Variants in CNTN5 observed in about 807,000 individuals in gnomAD.
CNTN5 encodes the protein contactin-5.
Under a neutral mutation model 129.1 loss-of-function variants are expected in CNTN5, and 77 were observed. The ratio of observed to expected loss-of-function variants is 0.60; its 90% CI spans 0.50 to 0.72. The LOEUF (loss-of-function observed/expected upper bound fraction) is 0.72. Ranked by LOEUF, CNTN5 falls within the 30% of genes least tolerant of loss-of-function variation. CNTN5 has a pLI of 0.00. For missense variants in CNTN5, 1,478 were observed against 1,328.8 expected (o/e 1.11, Z -1.75); for synonymous variants, 509 against 465.6 (o/e 1.09, Z -1.20).
intron 3 of CNTN5, among the ~76,000 whole-genome samples, chr11:99,748,494 A>G (rs945789212): frequency 5.3e-5 from 8 of 152,282 alleles, no homozygotes; most frequent in African/African-American, 1.9e-4. Context: ...TCTGGAGTCC[A>G]GAAAGTTCTA....
intron 4 of CNTN5, among the ~76,000 whole-genome samples, chr11:99,825,500 A>C (rs1437516661): frequency 1.3e-5 from 2 of 152,034 alleles, no homozygotes; most frequent in Non-Finnish European, 2.9e-5. Flanking sequence ...TTTCTGTAAC[A>C]TCACTATCTA....
chr11:100,002,919 C>G (rs1939961857), intron 9 of CNTN5, among the ~76,000 whole-genome samples: 1 of 151,834 alleles, frequency 6.6e-6, no homozygotes, highest in Admixed American at 6.6e-5. Flanking sequence ...GTATCTCTGT[C>G]AGAGTTACTA....
chr11:100,319,874 G>A (rs1951651317), intron 21 of CNTN5, among the ~76,000 whole-genome samples: 1 of 152,126 alleles, frequency 6.6e-6, no homozygotes, highest in Admixed American at 6.5e-5. Flanking sequence ...TGTTGCAAAT[G>A]GCAGGATTTC....
chr11:100,230,350 CTAAT>C (rs1267521747), intron 16 of CNTN5, among the ~76,000 whole-genome samples: 2 of 152,148 alleles, frequency 1.3e-5, no homozygotes, highest in Non-Finnish European at 2.9e-5. Flanking sequence ...TAGACTTTCT[CTAAT>C]TAGTGTGATT....
intron 8 of CNTN5, among the ~76,000 whole-genome samples, chr11:99,987,294 CAG>C (rs142040884): frequency 1.9e-3 from 296 of 151,824 alleles, no homozygotes; most frequent in African/African-American, 6.6e-3. Context: ...AAAGTGAAAA[CAG>C]ATATGGAACA....
At chr11:99,130,248 A>C (rs998308729) in intron 1 of CNTN5, among the ~76,000 whole-genome samples, 1 of 152,226 alleles carries the variant, frequency 6.6e-6, no homozygotes, top group Non-Finnish European at 1.5e-5. Context: ...ATATAGGCTC[A>C]AAATAAAAAG....
chr11:99,534,610 A>G (rs1464458002), intron 2 of CNTN5, among the ~76,000 whole-genome samples: 1 of 152,186 alleles, frequency 6.6e-6, no homozygotes, highest in Non-Finnish European at 1.5e-5. Flanking sequence ...TGGTGTATTT[A>G]GAGAATGGGG....
intron 3 of CNTN5, among the ~76,000 whole-genome samples, chr11:99,819,191 G>C: frequency 6.7e-6 from 1 of 149,292 alleles, no homozygotes; most frequent in Non-Finnish European, 1.5e-5. Flanking sequence ...AAAGTATAAA[G>C]CTTGGGCTTT....
intron 3 of CNTN5, among the ~76,000 whole-genome samples, chr11:99,580,448 T>A (rs1430564075): frequency 6.6e-6 from 1 of 152,186 alleles, no homozygotes; most frequent in Non-Finnish European, 1.5e-5. Context: ...TGACTGTGAA[T>A]CCATCTGGTC....
At chr11:100,189,931 A>G (rs756616003) in intron 13 of CNTN5, among the ~76,000 whole-genome samples, 1 of 152,134 alleles carries the variant, frequency 6.6e-6, no homozygotes, top group East Asian at 1.9e-4. Flanking sequence ...TTTCAAACTG[A>G]TATCTTTATT....
intron 1 of CNTN5, among the ~76,000 whole-genome samples, chr11:99,233,719 G>A (rs888967809): frequency 2.0e-5 from 3 of 152,106 alleles, no homozygotes; most frequent in Admixed American, 6.6e-5. Flanking sequence ...AGGCCGAGGT[G>A]GGTGGATCAC....
At chr11:100,133,189 C>T (rs1946427468) in intron 13 of CNTN5, among the ~76,000 whole-genome samples, 1 of 152,066 alleles carries the variant, frequency 6.6e-6, no homozygotes, top group South Asian at 2.1e-4. Flanking sequence ...TGATGAATAG[C>T]AACTTACATA....
intron 4 of CNTN5, among the ~76,000 whole-genome samples, chr11:99,841,409 A>G (rs574334238): frequency 2.1e-4 from 32 of 152,256 alleles, no homozygotes; most frequent in Middle Eastern, 6.8e-3. Flanking sequence ...CTTAAAATCA[A>G]CTGTCTTCTT....
rs1950186879 is a variant in CNTN5, at chr11:99,931,298, T to C, written c.673+15149T>C. Among the ~76,000 whole-genome samples, 2 of 152,222 alleles carry C rather than the reference T, an allele frequency of 1.3e-5. 1 individual carries two copies. The highest frequency in any genetic ancestry group is 2.9e-5 in the Non-Finnish European group (2 of 68,030). ...TCAATGTGTTTCAGAGTCTTTAGTT[T>C]TTTAAACTATCTGACAAAACTTACA... On this transcript the variant is annotated intron_variant, in intron 7 of 24. Transcript: ENST00000524871.
intron 1 of CNTN5, among the ~76,000 whole-genome samples, chr11:99,160,618 T>C (rs75868496): frequency 0.015 from 2,311 of 152,166 alleles, 47 homozygotes; most frequent in African/African-American, 0.052. Flanking sequence ...GGAGTAAACT[T>C]AATTAGTCTG....
At chr11:100,076,883 C>G (rs1944152863) in intron 13 of CNTN5, among the ~76,000 whole-genome samples, 1 of 151,792 alleles carries the variant, frequency 6.6e-6, no homozygotes, top group Admixed American at 6.6e-5. Context: ...ATCTGGCAGC[C>G]CTAGGTTTTA....
intron 13 of CNTN5, among the ~76,000 whole-genome samples, chr11:100,087,102 A>T (rs967282815): frequency 6.6e-6 from 1 of 151,750 alleles, no homozygotes; most frequent in African/African-American, 2.4e-5. Context: ...CAAGAAAATG[A>T]ACATATCTGT....
At chr11:99,864,183 A>G (rs1948292338) in intron 6 of CNTN5, among the ~76,000 whole-genome samples, 1 of 152,066 alleles carries the variant, frequency 6.6e-6, no homozygotes, top group African/African-American at 2.4e-5. Flanking sequence ...TATTATAGTC[A>G]CTTATATACT....
chr11:99,201,459 T>C (rs1285038416), intron 1 of CNTN5, among the ~76,000 whole-genome samples: 1 of 151,514 alleles, frequency 6.6e-6, no homozygotes, highest in Non-Finnish European at 1.5e-5. Flanking sequence ...CTTTCCTTTT[T>C]TTCTTTTCTG....
Sources: gnomAD v4.1 joint callset for allele counts (sites outside exome capture counted in the v4.1 genomes callset) on GRCh38, gnomAD v4.1.1 for gene constraint, MANE v1.5 for transcripts, NCBI Gene and HGNC (gene_info 2026-07-23, HGNC 2026-07-21) for gene names.